ATRX: variants seen among roughly 807,000 people sequenced by gnomAD.
ATRX encodes the protein chromatin remodeler ATRX.
ATRX carries 12 observed loss-of-function variants against 172.6 expected under a neutral mutation model. That is an observed-to-expected ratio of 0.07 (90% CI 0.04 to 0.11). The LOEUF (loss-of-function observed/expected upper bound fraction) is 0.11. Ranked by LOEUF, ATRX falls within the 10% of genes least tolerant of loss-of-function variation. The pLI is 1.00. For synonymous variants in ATRX, 674 were observed against 594.7 expected, an observed-to-expected ratio of 1.13 and a Z score of -1.94; for missense variants, 1,368 against 1,767.4, an observed-to-expected ratio of 0.77 and a Z score of 4.05.
Position 77,592,408 on chromosome X carries a change from C to T in ATRX, c.6110+1288G>A, listed in dbSNP as rs782029143. 1.5e-3 allele frequency among the ~76,000 whole-genome samples: 137 copies of T among 93,704 alleles called. 1 individual carries two copies. Among genetic ancestry groups the T allele is most frequent in the African/African-American group, 5.3e-3 (131 of 24,883 alleles). 81.4% of individuals were successfully genotyped at this position (93,704 alleles called of 115,157 possible). A position where few individuals can be genotyped will look rare whatever the true frequency, so the allele number is the denominator to read the frequency against. On this transcript the variant is annotated intron_variant, in intron 26 of 34. Transcript: ENST00000373344. ...AGCCTGGGTGACAAGAGCAAAACTC[C>T]GTCTCAAAAAAAAAAAAAAAAAAGC...
At chrX:77,767,641 C>T (rs2076019816) in intron 1 of ATRX, among the ~76,000 whole-genome samples, 1 of 111,139 alleles carries the variant, frequency 9.0e-6, no homozygotes, top group African/African-American at 3.3e-5. Flanking sequence ...GTGATCCGCC[C>T]GCCTCAGCCT....
chrX:77,731,934 G>A (rs2074313409), intron 1 of ATRX, among the ~76,000 whole-genome samples: 1 of 111,405 alleles, frequency 9.0e-6, no homozygotes, highest in South Asian at 3.8e-4. Flanking sequence ...CCCACTGAGT[G>A]CAGGTACCCA....
intron 19 of ATRX, among the ~76,000 whole-genome samples, chrX:77,627,672 G>A (rs1486008185): frequency 9.4e-6 from 1 of 106,165 alleles, no homozygotes; most frequent in African/African-American, 3.5e-5. Flanking sequence ...GACCAGCCTG[G>A]GCAACACAGT....
chrX:77,632,182 T>A (rs782479458), intron 19 of ATRX, among the ~76,000 whole-genome samples: 30 of 110,284 alleles, frequency 2.7e-4, no homozygotes, highest in Admixed American at 8.8e-4. Context: ...TTTTTAAATG[T>A]CACTAAATGA....
At chrX:77,531,552 C>CA (rs1420311267) in intron 30 of ATRX, among the ~76,000 whole-genome samples, 2 of 112,006 alleles carry the variant, frequency 1.8e-5, no homozygotes, top group Admixed American at 9.5e-5. Context: ...TCAATAGATG[C>CA]AAAAAACATC....
In ATRX at chrX:77,583,244, C is replaced by T. The variant is rs182308779; in HGVS notation, c.6217+6590G>A. On this transcript the variant is annotated intron_variant, in intron 27 of 34. Coordinates refer to ENST00000373344, the MANE Select transcript of ATRX (RefSeq NM_000489.6). ...TGAAAGACAAAACCCATATGATCGCCGGGGTGTGGTGGCTCACGTCTGTAA... is the reference window on the plus strand; with the variant it reads ...TGAAAGACAAAACCCATATGATCGCTGGGGTGTGGTGGCTCACGTCTGTAA... Among the ~76,000 whole-genome samples the T allele has an allele frequency of 3.6e-5, 4 of 111,545 alleles. No individual in the cohort carries two copies. In the Admixed American group the frequency reaches 3.8e-4, roughly 11 times the overall value.
chrX:77,740,077 A>T (rs1246897606), intron 1 of ATRX, among the ~76,000 whole-genome samples: 9,930 of 54,232 alleles, frequency 0.18, 1,566 homozygotes, highest in East Asian at 0.45. Context: ...AAAAAAAAAA[A>T]TTTTTAAAAA....
chrX:77,556,285 G>A (rs1431324589), intron 30 of ATRX, among the ~76,000 whole-genome samples: 1 of 69,636 alleles, frequency 1.4e-5, no homozygotes, highest in Non-Finnish European at 2.8e-5. Flanking sequence ...GAGGGAGAGG[G>A]AGAGAGGGGA....
chrX:77,715,963 A>G (rs1302515656), intron 2 of ATRX, among the ~76,000 whole-genome samples: 2 of 109,797 alleles, frequency 1.8e-5, no homozygotes, highest in Admixed American at 2.0e-4. Flanking sequence ...CTGTCACATG[A>G]TACAAAATGT....
chrX:77,522,126 T>C, intron 32 of ATRX, 137 bp downstream of exon 32: 1 of 937,320 alleles, frequency 1.1e-6, no homozygotes, highest in Non-Finnish European at 1.5e-6. Context: ...GGTCAACAAA[T>C]AAAACAAAAA....
chrX:77,691,091 G>A (rs782479922), intron 6 of ATRX: 7 of 112,135 alleles, frequency 6.2e-5, no homozygotes, highest in Non-Finnish European at 1.3e-4. Context: ...AATGAAAAAC[G>A]TTCCCAAATG....
intron 34 of ATRX, 113 bp downstream of exon 34, chrX:77,520,675 C>G: frequency 1.3e-6 from 1 of 775,411 alleles, no homozygotes; most frequent in East Asian, 3.4e-5. Context: ...TTATCAATGA[C>G]TATCCATCCC....
chrX:77,699,930 G>A (rs1455797795), intron 2 of ATRX, among the ~76,000 whole-genome samples: 1 of 111,929 alleles, frequency 8.9e-6, no homozygotes, highest in Non-Finnish European at 1.9e-5. Flanking sequence ...CTCATTTTAT[G>A]AAAACAGTAT....
chrX:77,566,444 A>G (rs2065201166), intron 28 of ATRX, among the ~76,000 whole-genome samples: 1 of 112,316 alleles, frequency 8.9e-6, no homozygotes, highest in African/African-American at 3.2e-5. Context: ...ATTTGTTGCC[A>G]GCGGACTTGC....
Position 77,676,251 on chromosome X carries a change from C to A in ATRX, c.3784G>T (p.Asp1262Tyr). The change falls in exon 10 of 35, where the codon GAT becomes TAT. Residue 1262 changes from aspartate (D) to tyrosine (Y), a missense_variant. Coordinates refer to ENST00000373344, the MANE Select transcript of ATRX (RefSeq NM_000489.6). ...CTATTCTCAGGATCATTGTCGTCAT[C>A]ATCATCATCCACTGTGACAGGCACT... is the stretch of plus-strand genomic sequence containing the variant. Reference protein sequence around the residue: ...KSVPVTVDDDDDDNDPENRIA... With the variant: ...KSVPVTVDDDYDDNDPENRIA... 1 of 1,207,771 alleles carries A rather than the reference C, an allele frequency of 8.3e-7. No individual in the cohort carries two copies. Among genetic ancestry groups the A allele is most frequent in the South Asian group, 1.8e-5 (1 of 56,876 alleles).
rs782320316 is a variant in ATRX at position 77,603,490 on chromosome X, C to T, written c.5567-2926G>A. Among the ~76,000 whole-genome samples the T allele has an allele frequency of 7.3e-5, 8 of 109,009 alleles. No homozygotes were observed. In the South Asian group the frequency reaches 2.9e-3, roughly 39 times the overall value. 94.7% of individuals were successfully genotyped at this position (109,009 alleles called of 115,157 possible). On this transcript the variant is annotated intron_variant, in intron 22 of 34. Coordinates refer to ENST00000373344, the MANE Select transcript of ATRX (RefSeq NM_000489.6). ...AAGCCATTCTCCTGCCTCAGCCTCC[C>T]GAGTAGCTGAGACTACAGGTGCCTG...
At chrX:77,665,468 T>TA (rs781958770) in intron 10 of ATRX, among the ~76,000 whole-genome samples, 8 of 111,140 alleles carry the variant, frequency 7.2e-5, no homozygotes, top group Admixed American at 1.9e-4. Flanking sequence ...TGGGTTACTT[T>TA]AAAAAAAATA....
intron 30 of ATRX, among the ~76,000 whole-genome samples, chrX:77,545,731 A>G (rs1383367296): frequency 4.5e-5 from 5 of 111,928 alleles, no homozygotes; most frequent in African/African-American, 1.3e-4. Flanking sequence ...AAAAATAAAA[A>G]TGCAAAGGAT....
intron 22 of ATRX, among the ~76,000 whole-genome samples, chrX:77,608,473 A>G (rs1557092166): frequency 9.0e-6 from 1 of 111,345 alleles, no homozygotes. Flanking sequence ...AGGTGCCATG[A>G]ACATGCACTG....
Sources: allele counts gnomAD v4.1 joint callset (sites outside exome capture counted in the v4.1 genomes callset), GRCh38; gene constraint gnomAD v4.1.1; transcripts MANE v1.5; gene names NCBI Gene and HGNC (gene_info 2026-07-23, HGNC 2026-07-21).